The following ANXA10 variants were observed in gnomAD, a reference collection of about 807,000 sequenced individuals.
The protein encoded by ANXA10 is annexin 14.
ANXA10 carries 49 observed loss-of-function variants against 53.5 expected under a neutral mutation model. That is an observed-to-expected ratio of 0.92 (90% CI 0.73 to 1.16). The LOEUF is 1.16. Ranked by LOEUF, ANXA10 falls within the 50% of genes most tolerant of loss-of-function variation. The pLI is 0.00. For missense variants in ANXA10, 393 were observed against 394.4 expected (o/e 1.00, Z 0.03); for synonymous variants, 131 against 128.9 (o/e 1.02, Z -0.11).
intron 1 of ANXA10, among the ~76,000 whole-genome samples, chr4:168,103,784 C>T (rs1274065242): frequency 6.6e-6 from 1 of 151,816 alleles, no homozygotes; most frequent in Non-Finnish European, 1.5e-5. Flanking sequence ...AGTTTTCTAG[C>T]CATGAAAATG....
At position 168,092,789 on chromosome 4, in the gene ANXA10, T is replaced by C; in HGVS notation, c.18+71T>C. On this transcript the variant is annotated intron_variant, in intron 1 of 11. Coordinates refer to ENST00000359299, the MANE Select transcript of ANXA10 (RefSeq NM_007193.5). ...CTTGATTTATAAAATTTCATTTGTG[T>C]TTTTTGACGTTTTTAACAGAAAATG... The C allele has an allele frequency of 2.2e-6, 3 of 1,375,496 alleles. No individual in the cohort carries two copies. In the South Asian group the frequency reaches 4.3e-5, roughly 20 times the overall value. The allele number at this position is 1,375,496 out of a possible 1,614,324, so 85.2% of individuals were successfully genotyped here.
chr4:168,147,193 G>T (rs1186587333), intron 3 of ANXA10, among the ~76,000 whole-genome samples: 1 of 152,242 alleles, frequency 6.6e-6, no homozygotes, highest in South Asian at 2.1e-4. Context: ...AGGTGAGACT[G>T]GCTGGTTTCT....
intron 3 of ANXA10, among the ~76,000 whole-genome samples, chr4:168,154,585 C>T (rs1431136204): frequency 4.6e-5 from 7 of 152,160 alleles, no homozygotes; most frequent in Admixed American, 1.3e-4. Context: ...TATCAACTGT[C>T]AAGTGCCACT....
intron 1 of ANXA10, among the ~76,000 whole-genome samples, chr4:168,107,534 C>G (rs1730737651): frequency 6.6e-6 from 1 of 152,138 alleles, no homozygotes; most frequent in South Asian, 2.1e-4. Flanking sequence ...TTTAAACTCA[C>G]TAGGACTAGT....
rs1732254214 is a variant in ANXA10 at position 168,181,840 on chromosome 4, T to C, written c.783+99T>C. On this transcript the variant is annotated intron_variant, in intron 10 of 11. Coordinates refer to ENST00000359299, the MANE Select transcript of ANXA10 (RefSeq NM_007193.5). ...ATCATTTAAATGTTCATTACCATTT[T>C]TGAACTTGTATGTACAAAGAAAATA... 6 of 942,288 alleles carry C rather than the reference T, an allele frequency of 6.4e-6. No homozygotes were observed. In the South Asian group the frequency reaches 8.5e-5, roughly 13 times the overall value. 58.4% of individuals were successfully genotyped at this position (942,288 alleles called of 1,614,324 possible). A position where few individuals can be genotyped will look rare whatever the true frequency, so the allele number is the denominator to read the frequency against.
At chr4:168,142,480 G>A (rs1216882337) in intron 3 of ANXA10, among the ~76,000 whole-genome samples, 1 of 152,064 alleles carries the variant, frequency 6.6e-6, no homozygotes, top group Non-Finnish European at 1.5e-5. Context: ...ATCCTTCCAG[G>A]TACTAGACAC....
rs1395673045 is a variant in ANXA10 at position 168,177,755 on chromosome 4, G to A, written c.496G>A (p.Gly166Arg). 7 of 1,614,044 alleles carry A rather than the reference G, an allele frequency of 4.3e-6. No individual in the cohort carries two copies. The South Asian group carries it at 7.7e-5, about 18-fold the overall frequency. Reference sequence around the variant, plus strand: ...TACTTTACAGGGGACCAGAGAGGAAGGATATACAGACCCTGCGATGGCTGC... The same window carrying A: ...TACTTTACAGGGGACCAGAGAGGAAAGATATACAGACCCTGCGATGGCTGC... Reference protein sequence around the residue: ...MNLVQGTREEGYTDPAMAAQD... With the variant: ...MNLVQGTREERYTDPAMAAQD... Residue 166 changes from glycine to arginine, a missense_variant, in exon 7 of 12, where the codon GGA (glycine) becomes AGA (arginine). Transcript: ENST00000359299.
At chr4:168,093,963 T>C (rs1345864227) in intron 1 of ANXA10, among the ~76,000 whole-genome samples, 1 of 152,176 alleles carries the variant, frequency 6.6e-6, no homozygotes, top group Non-Finnish European at 1.5e-5. Flanking sequence ...AAGGTGGTTA[T>C]ATTTCACTAC....
At chr4:168,182,318 ATTTTTTTTTTTTT>A (rs542260478) in intron 10 of ANXA10, among the ~76,000 whole-genome samples, 8 of 49,726 alleles carry the variant, frequency 1.6e-4, no homozygotes, top group African/African-American at 7.4e-4. Context: ...TGGAGCATTA[ATTTTTTTTTTTTT>A]TTTTTTTTTT....
chr4:168,142,671 T>C (rs1009427653), intron 3 of ANXA10, among the ~76,000 whole-genome samples: 4 of 152,226 alleles, frequency 2.6e-5, no homozygotes, highest in African/African-American at 7.2e-5. Context: ...GAGCTTACCA[T>C]AAATGTCTGT....
At chr4:168,098,047 T>G (rs1579197474) in intron 1 of ANXA10, among the ~76,000 whole-genome samples, 1 of 152,032 alleles carries the variant, frequency 6.6e-6, no homozygotes, top group Non-Finnish European at 1.5e-5. Context: ...GACATTATGC[T>G]TATACCATTA....
At chr4:168,101,711 A>G (rs1478363717) in intron 1 of ANXA10, among the ~76,000 whole-genome samples, 1 of 152,096 alleles carries the variant, frequency 6.6e-6, no homozygotes, top group Non-Finnish European at 1.5e-5. Flanking sequence ...TGCCCTCTTA[A>G]GAGTACAGAG....
intron 6 of ANXA10, among the ~76,000 whole-genome samples, chr4:168,176,593 C>G (rs1732133491): frequency 6.6e-6 from 1 of 152,106 alleles, no homozygotes; most frequent in African/African-American, 2.4e-5. Context: ...ATTTGGGATC[C>G]CATTCATACT....
chr4:168,093,279 T>A (rs953713045), intron 1 of ANXA10, among the ~76,000 whole-genome samples: 2 of 150,408 alleles, frequency 1.3e-5, no homozygotes, highest in Non-Finnish European at 3.0e-5. Context: ...AGATAGCTTA[T>A]TTTTGAATAA....
At chr4:168,130,319 C>T (rs543532537) in intron 2 of ANXA10, among the ~76,000 whole-genome samples, 1 of 152,084 alleles carries the variant, frequency 6.6e-6, no homozygotes, top group African/African-American at 2.4e-5. Context: ...GGAATAAATC[C>T]CACTTAATCA....
chr4:168,142,891 C>G (rs942773406), intron 3 of ANXA10, among the ~76,000 whole-genome samples: 2 of 152,110 alleles, frequency 1.3e-5, no homozygotes, highest in Admixed American at 1.3e-4. Context: ...TTCACTTTTA[C>G]ATCTTGCCAA....
chr4:168,128,520 A>G (rs1344464909), intron 2 of ANXA10, among the ~76,000 whole-genome samples: 2 of 151,960 alleles, frequency 1.3e-5, no homozygotes, highest in Non-Finnish European at 2.9e-5. Context: ...TTCATTTGCT[A>G]TTTGCTATTT....
Position 168,167,093 on chromosome 4 carries a change from A to T in ANXA10, c.480+1767A>T, listed in dbSNP as rs139771026. Among the ~76,000 whole-genome samples the T allele has an allele frequency of 2.5e-3, 380 of 152,108 alleles. 1 individual carries two copies. Among genetic ancestry groups the T allele is most frequent in the African/African-American group, 8.2e-3 (340 of 41,488 alleles). Reference sequence around the variant, plus strand: ...CCCTCCAGTCCCAATTGCTTCCATGAGTTATTGGATTTGTTTTTAATCTAA... The same window carrying T: ...CCCTCCAGTCCCAATTGCTTCCATGTGTTATTGGATTTGTTTTTAATCTAA... On this transcript the variant is annotated intron_variant, in intron 6 of 11. Transcript: ENST00000359299.
intron 1 of ANXA10, among the ~76,000 whole-genome samples, chr4:168,101,042 G>A (rs1172129530): frequency 3.3e-5 from 5 of 151,962 alleles, no homozygotes; most frequent in East Asian, 3.9e-4. Context: ...TGTAATTCCC[G>A]GTATTGAAGG....
Sources: gnomAD v4.1 joint callset for allele counts (sites outside exome capture counted in the v4.1 genomes callset) on GRCh38, gnomAD v4.1.1 for gene constraint, MANE v1.5 for transcripts, NCBI Gene and HGNC (gene_info 2026-07-23, HGNC 2026-07-21) for gene names.